The following PPARGC1A variants were observed in gnomAD, a reference collection of about 807,000 sequenced individuals.
The protein encoded by PPARGC1A is PPARG coactivator 1 alpha.
PPARGC1A carries 25 observed loss-of-function variants against 88.7 expected under a neutral mutation model. The observed-to-expected ratio is 0.28, with a 90% CI of 0.21 to 0.39. The LOEUF (loss-of-function observed/expected upper bound fraction) is 0.39, where lower values mean the gene tolerates loss of function less well. Among genes scored for constraint, PPARGC1A ranks in the 10% least tolerant of loss-of-function variants. The pLI is 1.00. For synonymous variants in PPARGC1A, 363 were observed against 355.6 expected, an observed-to-expected ratio of 1.02 and a Z score of -0.24; for missense variants, 880 against 968.7, an observed-to-expected ratio of 0.91 and a Z score of 1.22.
chr4:23,813,377 T>A (rs1721306898), intron 8 of PPARGC1A, among the ~76,000 whole-genome samples: 1 of 152,156 alleles, frequency 6.6e-6, no homozygotes, highest in Non-Finnish European at 1.5e-5. Context: ...GTCAGCTTTA[T>A]CTTGCATGGA....
At chr4:23,838,018 A>G (rs967723606) in intron 2 of PPARGC1A, among the ~76,000 whole-genome samples, 1 of 152,224 alleles carries the variant, frequency 6.6e-6, no homozygotes, top group East Asian at 1.9e-4. Flanking sequence ...CTGCAATAAA[A>G]TTTAAAAATA....
At chr4:24,329,510 G>T in the PPARGC1A span, among the ~76,000 whole-genome samples, 1 of 151,960 alleles carries the variant, frequency 6.6e-6, no homozygotes. Flanking sequence ...TCCACCTTCA[G>T]CCTTTGCTTG....
At chr4:24,195,227 G>A in the PPARGC1A span, among the ~76,000 whole-genome samples, 1 of 152,258 alleles carries the variant, frequency 6.6e-6, no homozygotes, top group East Asian at 1.9e-4. Flanking sequence ...CTAAGGCTTA[G>A]CTTTCTTACC....
chr4:24,438,562 G>A, the PPARGC1A span, among the ~76,000 whole-genome samples: 2 of 152,044 alleles, frequency 1.3e-5, no homozygotes, highest in African/African-American at 2.4e-5. Context: ...AAATTTATAT[G>A]CAACAGCATT....
At chr4:23,974,565 G>A in the PPARGC1A span, among the ~76,000 whole-genome samples, 1 of 152,010 alleles carries the variant, frequency 6.6e-6, no homozygotes, top group Non-Finnish European at 1.5e-5. Flanking sequence ...GAAAAGGTTA[G>A]GAAATTACAT....
chr4:23,963,727 T>C, the PPARGC1A span, among the ~76,000 whole-genome samples: 1 of 152,176 alleles, frequency 6.6e-6, no homozygotes, highest in African/African-American at 2.4e-5. Flanking sequence ...TAAATTAGGT[T>C]CCTGCTAACC....
At chr4:24,427,901 A>T in the PPARGC1A span, among the ~76,000 whole-genome samples, 4 of 152,150 alleles carry the variant, frequency 2.6e-5, no homozygotes, top group Non-Finnish European at 5.9e-5. Context: ...ACTTGAGGCC[A>T]GGAGTTGGAG....
the PPARGC1A span, among the ~76,000 whole-genome samples, chr4:24,043,651 A>G: frequency 1.3e-5 from 2 of 152,120 alleles, no homozygotes; most frequent in Non-Finnish European, 2.9e-5. Flanking sequence ...AACCCCAGTA[A>G]TTTATCTGGT....
chr4:23,941,590 G>A, the PPARGC1A span, among the ~76,000 whole-genome samples: 5 of 152,092 alleles, frequency 3.3e-5, no homozygotes, highest in Non-Finnish European at 7.4e-5. Flanking sequence ...ACACTCATTT[G>A]GGAAAAGAGA....
chr4:23,897,373 G>A (rs1371803314), intron 1 of PPARGC1A, among the ~76,000 whole-genome samples: 1 of 152,186 alleles, frequency 6.6e-6, no homozygotes, highest in East Asian at 1.9e-4. Flanking sequence ...TGCATGGTAA[G>A]AAGAACATGG....
chr4:23,825,130 G>A (rs1723705502), intron 5 of PPARGC1A: 1 of 152,026 alleles, frequency 6.6e-6, no homozygotes, highest in African/African-American at 2.4e-5. Context: ...CTTGCAAAGA[G>A]GCTAACTACT....
chr4:24,023,914 C>A, the PPARGC1A span, among the ~76,000 whole-genome samples: 1 of 152,200 alleles, frequency 6.6e-6, no homozygotes, highest in Non-Finnish European at 1.5e-5. Flanking sequence ...CTGTTACAAA[C>A]CTTCAAAGCA....
chr4:23,996,064 G>T, the PPARGC1A span, among the ~76,000 whole-genome samples: 1 of 152,146 alleles, frequency 6.6e-6, no homozygotes, highest in African/African-American at 2.4e-5. Flanking sequence ...ATCTTCAGGG[G>T]ATAGTAGTGA....
At chr4:24,423,369 C>T in the PPARGC1A span, among the ~76,000 whole-genome samples, 1 of 152,166 alleles carries the variant, frequency 6.6e-6, no homozygotes, top group African/African-American at 2.4e-5. Context: ...GAGATGAAAC[C>T]CTCTAAAGTC....
At chr4:24,192,469 A>G in the PPARGC1A span, among the ~76,000 whole-genome samples, 3 of 152,242 alleles carry the variant, frequency 2.0e-5, no homozygotes, top group Admixed American at 2.0e-4. Flanking sequence ...ACTGAACATT[A>G]TTCCTTTTGG....
the PPARGC1A span, among the ~76,000 whole-genome samples, chr4:24,412,728 C>A: frequency 2.6e-5 from 4 of 152,210 alleles, no homozygotes; most frequent in Non-Finnish European, 5.9e-5. Flanking sequence ...GATCCACCAG[C>A]CTTGGCCTCC....
chr4:24,304,599 C>T, the PPARGC1A span, among the ~76,000 whole-genome samples: 1 of 152,156 alleles, frequency 6.6e-6, no homozygotes, highest in African/African-American at 2.4e-5. Flanking sequence ...CCTGTAACCA[C>T]CTCTCCATCA....
chr4:24,086,369 T>C, the PPARGC1A span, among the ~76,000 whole-genome samples: 1 of 152,328 alleles, frequency 6.6e-6, no homozygotes, highest in African/African-American at 2.4e-5. Context: ...TGGTGTCACA[T>C]CCAACTGCAT....
the PPARGC1A span, among the ~76,000 whole-genome samples, chr4:24,283,593 A>G: frequency 1.3e-5 from 2 of 152,204 alleles, no homozygotes; most frequent in African/African-American, 4.8e-5. Context: ...AGAAAGAATG[A>G]TAACAACCAT....
Sources: allele counts gnomAD v4.1 joint callset (sites outside exome capture counted in the v4.1 genomes callset), GRCh38; gene constraint gnomAD v4.1.1; transcripts MANE v1.5; gene names NCBI Gene and HGNC (gene_info 2026-07-23, HGNC 2026-07-21).